SLC35F6: variants seen among roughly 807,000 people sequenced by gnomAD.
SLC35F6 encodes solute carrier family 35 member F6.
In SLC35F6, 26 loss-of-function variants were observed where a neutral mutation model predicts 29.4. That is an observed-to-expected ratio of 0.89 (90% confidence interval 0.65 to 1.23). The LOEUF (loss-of-function observed/expected upper bound fraction) is 1.23, where lower values mean the gene tolerates loss of function less well. Among genes scored for constraint, SLC35F6 ranks in the 50% most tolerant of loss-of-function variants. The pLI is 0.00. For synonymous variants in SLC35F6, 174 were observed against 206.6 expected, an observed-to-expected ratio of 0.84 and a Z score of 1.35; for missense variants, 428 against 487.8, an observed-to-expected ratio of 0.88 and a Z score of 1.15.
In SLC35F6 at chr2:26,770,737, AAAAC is replaced by A. The variant is rs375090895; in HGVS notation, c.78-3510_78-3507del. The stretch of plus-strand genomic sequence containing the variant: ...CGTTTCAAAAAAAAAAACAAGAACA[AAAAC>A]AAAAGACAACAAACAACAAACGTTG... On this transcript the variant is annotated intron_variant, in intron 1 of 5. Transcript: ENST00000344420. Among the ~76,000 whole-genome samples, 187 of 152,228 alleles carry A rather than the reference AAAAC, an allele frequency of 1.2e-3. 1 individual carries two copies. Among genetic ancestry groups the A allele is most frequent in the African/African-American group, 4.3e-3 (180 of 41,542 alleles).
At chr2:26,774,449 C>G in intron 2 of SLC35F6, 126 bp downstream of exon 2, 2 of 998,704 alleles carry the variant, frequency 2.0e-6, no homozygotes, top group Non-Finnish European at 1.5e-6. Flanking sequence ...GAAGAGCCAT[C>G]CACTTCTCTC....
intron 1 of SLC35F6, among the ~76,000 whole-genome samples, chr2:26,771,010 G>A (rs906880556): frequency 2.6e-5 from 4 of 152,244 alleles, no homozygotes; most frequent in Non-Finnish European, 5.9e-5. Flanking sequence ...CCCTTGGGCT[G>A]TCAGCCTGCC....
In SLC35F6 at chr2:26,764,975, T is replaced by C. The variant is rs190127545; in HGVS notation, c.77+549T>C. The stretch of plus-strand genomic sequence containing the variant: ...TACGGAAAGGCCAGATCAAAGTCGA[T>C]TGTAACCAGCATCAAATGCCCAGGT... On this transcript the variant is annotated intron_variant, in intron 1 of 5. Coordinates refer to ENST00000344420, the MANE Select transcript of SLC35F6 (RefSeq NM_017877.4). The C allele has an allele frequency of 4.1e-6, 4 of 985,424 alleles. No individual in the cohort carries two copies. In the African/African-American group the frequency reaches 5.2e-5, roughly 13 times the overall value. The allele number at this position is 985,424 out of a possible 1,614,324, so 61.0% of individuals were successfully genotyped here. A position where few individuals can be genotyped will look rare whatever the true frequency, so the allele number is the denominator to read the frequency against.
intron 1 of SLC35F6, among the ~76,000 whole-genome samples, chr2:26,766,819 T>C (rs780444117): frequency 6.6e-6 from 1 of 152,126 alleles, no homozygotes; most frequent in Non-Finnish European, 1.5e-5. Context: ...GAAACTGAGG[T>C]AGGAAATGAT....
intron 1 of SLC35F6, among the ~76,000 whole-genome samples, chr2:26,770,582 G>A (rs991115423): frequency 2.0e-5 from 3 of 152,100 alleles, no homozygotes; most frequent in South Asian, 4.1e-4. Flanking sequence ...GCTGGGCATG[G>A]TGGTGGGTGC....
intron 1 of SLC35F6, among the ~76,000 whole-genome samples, chr2:26,767,510 C>T (rs1664116497): frequency 6.6e-6 from 1 of 152,216 alleles, no homozygotes; most frequent in Non-Finnish European, 1.5e-5. Context: ...TCTCTGCGGC[C>T]CCATCCCTGG....
At chr2:26,776,016 G>A (rs1372322971) in intron 4 of SLC35F6, among the ~76,000 whole-genome samples, 1 of 152,196 alleles carries the variant, frequency 6.6e-6, no homozygotes, top group African/African-American at 2.4e-5. Flanking sequence ...ACTCCCACAG[G>A]CCCCAAACGG....
intron 1 of SLC35F6, among the ~76,000 whole-genome samples, chr2:26,769,244 A>C (rs1458614947): frequency 6.6e-6 from 1 of 152,160 alleles, no homozygotes; most frequent in Non-Finnish European, 1.5e-5. Flanking sequence ...CTGAGCTTTG[A>C]GTTTGGGCCT....
intron 1 of SLC35F6, among the ~76,000 whole-genome samples, chr2:26,773,929 A>C (rs1194105604): frequency 6.6e-6 from 1 of 152,210 alleles, no homozygotes; most frequent in Non-Finnish European, 1.5e-5. Flanking sequence ...AATGCTTTCT[A>C]CTACATTGTT....
In SLC35F6 at chr2:26,779,260, A is replaced by G. The variant is rs775466551; in HGVS notation, c.*749A>G. 8 of 152,128 alleles carry G rather than the reference A, an allele frequency of 5.3e-5. No individual in the cohort carries two copies. The highest frequency in any genetic ancestry group is 1.2e-4 in the Non-Finnish European group (8 of 68,044). 9.4% of individuals were successfully genotyped at this position (152,128 alleles called of 1,614,324 possible). ...AAGCATTATGTTTTCTAAAACTTCT[A>G]AGATCCTCCCTAAACCCGTCTGGAG... On this transcript the variant is annotated 3_prime_UTR_variant, in exon 6 of 6. Transcript: ENST00000344420.
intron 1 of SLC35F6, among the ~76,000 whole-genome samples, chr2:26,766,529 C>T (rs543947500): frequency 4.6e-5 from 7 of 152,118 alleles, no homozygotes; most frequent in African/African-American, 1.2e-4. Context: ...ACCCGGGAGG[C>T]GGAGGTTGCA....
At chr2:26,770,013 G>T (rs1412498143) in intron 1 of SLC35F6, among the ~76,000 whole-genome samples, 1 of 152,136 alleles carries the variant, frequency 6.6e-6, no homozygotes, top group Admixed American at 6.6e-5. Flanking sequence ...TTTAACCCTG[G>T]ATCTGCCTTA....
In SLC35F6 at chr2:26,775,752, A is replaced by T; in HGVS notation, c.535+76A>T. 6.9e-7 allele frequency: 1 copy of T among 1,441,226 alleles called. No homozygotes were observed. Among genetic ancestry groups the T allele is most frequent in the Non-Finnish European group, 9.2e-7 (1 of 1,087,826 alleles). The allele number at this position is 1,441,226 out of a possible 1,614,324, so 89.3% of individuals were successfully genotyped here. ...TTGGGAGCCCAGCACAGACTCATAC[A>T]AGCTCTGCCATGTGCCATATACCAA... On this transcript the variant is annotated intron_variant, in intron 4 of 5. Transcript: ENST00000344420. This position sits in a 1 kb window ranked among gnomAD's most constrained non-coding sequence, Gnocchi z 4.6.
chr2:26,768,091 C>T (rs1664128284), intron 1 of SLC35F6, among the ~76,000 whole-genome samples: 1 of 152,246 alleles, frequency 6.6e-6, no homozygotes, highest in Non-Finnish European at 1.5e-5. Flanking sequence ...TCTGTGCCAG[C>T]TCCAATGTTT....
In SLC35F6 at chr2:26,778,454, G is replaced by C. The variant is rs1664346848; in HGVS notation, c.1059G>C (p.Glu353Asp). Residue 353 changes from glutamate (E) to aspartate (D), a missense_variant, in exon 6 of 6, where the codon GAG (glutamate) becomes GAC (aspartate). By Grantham distance (45) the Glu-to-Asp change is conservative (BLOSUM62 2). Transcript: ENST00000344420. ...RLSRGRPLAE[E>D]SEQERLLGGT... ...CCAGGGGCCGGCCCCTGGCAGAGGA[G>C]AGCGAGCAGGAGAGACTGCTGGGTG... is the stretch of plus-strand genomic sequence containing the variant. The C allele has an allele frequency of 1.2e-6, 2 of 1,613,736 alleles. No individual in the cohort carries two copies. Among genetic ancestry groups the C allele is most frequent in the African/African-American group, 1.3e-5 (1 of 75,036 alleles).
Position 26,778,034 on chromosome 2 carries a change from C to A in SLC35F6, c.647-8C>A, listed in dbSNP as rs763664512. Reference sequence around the variant, plus strand: ...GTGGAGAGTGTAACTGTTTCCTCTACTCCCCAGGCCTCTTTGGCTTTGTGA... The same window carrying A: ...GTGGAGAGTGTAACTGTTTCCTCTAATCCCCAGGCCTCTTTGGCTTTGTGA... On this transcript the variant is annotated splice_region_variant and splice_polypyrimidine_tract_variant and intron_variant, in intron 5 of 5. Coordinates refer to ENST00000344420, the MANE Select transcript of SLC35F6 (RefSeq NM_017877.4). 8 of 1,604,228 alleles carry A rather than the reference C, an allele frequency of 5.0e-6. No homozygotes were observed. In the South Asian group the frequency reaches 8.9e-5, roughly 18 times the overall value.
rs1188095261 is a variant in SLC35F6, at chr2:26,774,079, GA to G, written c.78-169del. 2.0e-5 allele frequency among the ~76,000 whole-genome samples: 3 copies of G among 152,312 alleles called. No individual in the cohort carries two copies. In the East Asian group the frequency reaches 5.8e-4, roughly 29 times the overall value. On this transcript the variant is annotated intron_variant, in intron 1 of 5. Transcript: ENST00000344420. ...AGAGGCACAGACACAGTGACTTGAG[GA>G]AATGCCAAGTTAAAACTCCTTGAGG...
At position 26,778,572 on chromosome 2, in the gene SLC35F6, C is replaced by G; in HGVS notation, c.*61C>G. On this transcript the variant is annotated 3_prime_UTR_variant, in exon 6 of 6. Coordinates refer to ENST00000344420, the MANE Select transcript of SLC35F6 (RefSeq NM_017877.4). ...CCTTCTCCCTGAGACTGAGGCCACACAGGCTGGTGGGCCCCGAATGCCCTA... is the reference window on the plus strand; with the variant it reads ...CCTTCTCCCTGAGACTGAGGCCACAGAGGCTGGTGGGCCCCGAATGCCCTA... 6.8e-7 allele frequency: 1 copy of G among 1,463,504 alleles called. No individual in the cohort carries two copies. Among genetic ancestry groups the G allele is most frequent in the Non-Finnish European group, 9.1e-7 (1 of 1,103,320 alleles). 90.7% of individuals were successfully genotyped at this position (1,463,504 alleles called of 1,614,324 possible). A position where few individuals can be genotyped will look rare whatever the true frequency, so the allele number is the denominator to read the frequency against.
At chr2:26,774,981 T>C in intron 2 of SLC35F6, 63 bp from the exon 3 acceptor site, 2 of 1,500,498 alleles carry the variant, frequency 1.3e-6, no homozygotes. Flanking sequence ...TTAAAAAAAA[T>C]AGTTAAAGAT....
Sources: allele counts gnomAD v4.1 joint callset (sites outside exome capture counted in the v4.1 genomes callset), GRCh38; gene constraint gnomAD v4.1.1; non-coding constraint Gnocchi (gnomAD v3.1); transcripts MANE v1.5; gene names NCBI Gene and HGNC (gene_info 2026-07-23, HGNC 2026-07-21).